Variants in UMODL1 observed in about 807,000 individuals in gnomAD.
UMODL1 encodes uromodulin like 1.
In UMODL1, 128 loss-of-function variants were observed where a neutral mutation model predicts 136.3. The observed-to-expected ratio is 0.94, with a 90% CI of 0.81 to 1.09. The LOEUF is 1.09. Ranked by LOEUF, UMODL1 falls within the 50% of genes least tolerant of loss-of-function variation. The pLI is 0.00. For synonymous variants in UMODL1, 721 were observed against 720.0 expected, an observed-to-expected ratio of 1.00 and a Z score of -0.02; for missense variants, 1,766 against 1,725.6, an observed-to-expected ratio of 1.02 and a Z score of -0.41.
intron 22 of UMODL1, among the ~76,000 whole-genome samples, chr21:42,139,272 G>T (rs1000702220): frequency 2.0e-5 from 3 of 152,166 alleles, no homozygotes; most frequent in African/African-American, 4.8e-5. Flanking sequence ...CGGCTTCTGG[G>T]GAGGCCTCAG....
upstream of UMODL1, among the ~76,000 whole-genome samples, chr21:42,069,711 A>T (rs2066213303): frequency 6.6e-6 from 1 of 152,182 alleles, no homozygotes; most frequent in African/African-American, 2.4e-5. Context: ...ATTATCCCTG[A>T]TTTACCTTGA....
At chr21:42,109,469 A>G (rs895215461) in intron 9 of UMODL1, 93 bp from the exon 10 acceptor site, 10 of 1,550,608 alleles carry the variant, frequency 6.4e-6, no homozygotes, top group Non-Finnish European at 7.9e-6. Flanking sequence ...CACTGCAAAG[A>G]CGGCTAGGAA....
chr21:42,076,840 A>G (rs469618), intron 2 of UMODL1, among the ~76,000 whole-genome samples: 96,074 of 151,880 alleles, frequency 0.63, 31,277 homozygotes, highest in African/African-American at 0.71. Flanking sequence ...AAGTCCTCCC[A>G]GTTCCTCAGT....
At chr21:42,064,078 T>C (rs1489321306) in intron 1 of UMODL1, among the ~76,000 whole-genome samples, 2 of 152,136 alleles carry the variant, frequency 1.3e-5, no homozygotes, top group Non-Finnish European at 2.9e-5. Flanking sequence ...TTTCTGGCAG[T>C]CTGTCGAGCC....
intron 6 of UMODL1, among the ~76,000 whole-genome samples, chr21:42,091,121 G>T (rs772697178): frequency 6.6e-6 from 1 of 152,114 alleles, no homozygotes; most frequent in Non-Finnish European, 1.5e-5. Context: ...GGCCACCCTC[G>T]CATCTTCTTT....
intron 1 of UMODL1, among the ~76,000 whole-genome samples, chr21:42,075,449 C>T (rs1428393154): frequency 6.6e-6 from 1 of 152,226 alleles, no homozygotes; most frequent in African/African-American, 2.4e-5. Flanking sequence ...GCTTACTTAT[C>T]TTCCACCTCA....
chr21:42,110,407 A>C (rs1267047961), intron 10 of UMODL1, among the ~76,000 whole-genome samples: 1 of 152,192 alleles, frequency 6.6e-6, no homozygotes. Context: ...TTCCTTAGAC[A>C]CTGCGTGTGC....
chr21:42,132,762 G>A (rs2123385702), intron 21 of UMODL1, among the ~76,000 whole-genome samples: 1 of 152,338 alleles, frequency 6.6e-6, no homozygotes, highest in African/African-American at 2.4e-5. Context: ...AGATTTGTGA[G>A]GTTGAAACTA....
Position 42,084,108 on chromosome 21 carries a change from C to T in UMODL1, c.344C>T (p.Thr115Met), listed in dbSNP as rs762307723. The T allele has an allele frequency of 2.5e-6, 4 of 1,614,142 alleles. No homozygotes were observed. Among genetic ancestry groups the T allele is most frequent in the East Asian group, 4.5e-5 (2 of 44,884 alleles). ...GCCCTGAATCAGTCCGGGCAGTTCA[C>T]GTCAAGACCTGGGGCCTGCCCCGCA... ...VLPLNQSGQF[T>M]SRPGACPAEG... The change falls in exon 3 of 23, where the codon ACG becomes ATG. Residue 115 changes from threonine to methionine, a missense_variant. Coordinates refer to ENST00000408910, the MANE Select transcript of UMODL1 (RefSeq NM_001004416.3).
At chr21:42,082,365 C>T (rs12106286) in intron 2 of UMODL1, among the ~76,000 whole-genome samples, 9 of 152,100 alleles carry the variant, frequency 5.9e-5, no homozygotes, top group Admixed American at 3.3e-4. Context: ...CCCACCCTCG[C>T]GGGGGTGAGT....
At position 42,071,394 on chromosome 21, in the gene UMODL1, T is replaced by TGAG; in HGVS notation, c.76+4_76+6dup. 6.3e-7 allele frequency: 1 copy of TGAG among 1,583,524 alleles called. No homozygotes were observed. The highest frequency in any genetic ancestry group is 8.6e-7 in the Non-Finnish European group (1 of 1,165,580). Reference sequence around the variant, plus strand: ...CAAGCCAGGCCAGCGGCTTCACAGGTGAGGGGTCTGGGCTTGGCATGGGCA... The same window carrying TGAG: ...CAAGCCAGGCCAGCGGCTTCACAGGTGAGGAGGGGTCTGGGCTTGGCATGGGCA... On this transcript the variant is annotated splice_region_variant and intron_variant, in intron 1 of 22. Coordinates refer to ENST00000408910, the MANE Select transcript of UMODL1 (RefSeq NM_001004416.3).
chr21:42,119,351 C>CGTA, intron 15 of UMODL1, 27 bp downstream of exon 15: 2 of 1,603,952 alleles, frequency 1.2e-6, no homozygotes, highest in Non-Finnish European at 1.7e-6. Context: ...TGGAGCCTCT[C>CGTA]CCGTGTTCTG....
At chr21:42,076,953 G>A (rs975703461) in intron 2 of UMODL1, among the ~76,000 whole-genome samples, 1 of 151,488 alleles carries the variant, frequency 6.6e-6, no homozygotes, top group South Asian at 2.1e-4. Flanking sequence ...ATAGGGCAGG[G>A]ACTCAGGGCT....
chr21:42,121,617 C>T (rs2066974292), intron 16 of UMODL1, among the ~76,000 whole-genome samples: 1 of 152,254 alleles, frequency 6.6e-6, no homozygotes, highest in African/African-American at 2.4e-5. Context: ...CCACTCTTTC[C>T]ACCCAGCTCT....
Position 42,137,454 on chromosome 21 carries a change from C to A in UMODL1, c.3791C>A (p.Ala1264Glu), listed in dbSNP as rs934558334. Residue 1264 changes from alanine (A) to glutamate (E), a missense_variant, in exon 22 of 23, where the codon GCA becomes GAA. By Grantham distance (107) the Ala-to-Glu change is moderately radical. Transcript: ENST00000408910. Reference protein sequence around the residue: ...LIRSEGEPPHAEAGLGAGYVV... With the variant: ...LIRSEGEPPHEEAGLGAGYVV... ...CCTCCCCGAGGTGAGCCTCCTCATGCAGAAGCAGGCCTGGGTGCCGGTTAT... is the reference window on the plus strand; with the variant it reads ...CCTCCCCGAGGTGAGCCTCCTCATGAAGAAGCAGGCCTGGGTGCCGGTTAT... The A allele has an allele frequency of 6.2e-7, 1 of 1,614,236 alleles. No individual in the cohort carries two copies. The highest frequency in any genetic ancestry group is 1.7e-5 in the Admixed American group (1 of 60,030).
rs764083380 is a variant in UMODL1 at position 42,076,095 on chromosome 21, C to T, written c.167C>T (p.Thr56Met). ...GTGGAGGCCGTGCAGACGTCCTACA[C>T]GTCCTATGTGTCCTGCGGCGGCTGG... is the stretch of plus-strand genomic sequence containing the variant. ...QKVEAVQTSY[T>M]SYVSCGGWIP... Residue 56 changes from threonine to methionine, a missense_variant, in exon 2 of 23, where the codon ACG becomes ATG. Thr to Met is a moderately conservative substitution (Grantham distance 81). Transcript: ENST00000408910. 40 of 1,614,264 alleles carry T rather than the reference C, an allele frequency of 2.5e-5. No homozygotes were observed. Among genetic ancestry groups the T allele is most frequent in the South Asian group, 9.9e-5 (9 of 91,088 alleles).
In UMODL1 at chr21:42,126,355, A is replaced by G. The variant is rs1204645825; in HGVS notation, c.3158A>G (p.Asn1053Ser). Residue 1053 changes from asparagine to serine, a missense_variant, in exon 18 of 23, where the codon AAC becomes AGC. By Grantham distance (46) the Asn-to-Ser change is conservative (BLOSUM62 1). Transcript: ENST00000408910. ...CGTLMQSNMT[N>S]TVVRTTLRND... ...CCGCTTTGTGCTCAGAACATGACGA[A>G]CACCGTGGTGAGGACCACGCTGAGG... 52 of 1,614,106 alleles carry G rather than the reference A, an allele frequency of 3.2e-5. No individual in the cohort carries two copies. Among genetic ancestry groups the G allele is most frequent in the Non-Finnish European group, 4.2e-5 (50 of 1,180,022 alleles).
intron 22 of UMODL1, among the ~76,000 whole-genome samples, chr21:42,140,299 A>G (rs7282443): frequency 5.6e-4 from 43 of 77,170 alleles, no homozygotes; most frequent in East Asian, 4.4e-3. Flanking sequence ...AAAGGGATAG[A>G]CGTCCCAGGT....
At chr21:42,080,927 C>T (rs947077374) in intron 2 of UMODL1, among the ~76,000 whole-genome samples, 1 of 152,262 alleles carries the variant, frequency 6.6e-6, no homozygotes, top group Non-Finnish European at 1.5e-5. Flanking sequence ...GCTCTTGCCA[C>T]TTAACTGTCA....
Sources: gnomAD v4.1 joint callset for allele counts (sites outside exome capture counted in the v4.1 genomes callset) on GRCh38, gnomAD v4.1.1 for gene constraint, MANE v1.5 for transcripts, NCBI Gene and HGNC (gene_info 2026-07-23, HGNC 2026-07-21) for gene names.